Variants in FGF13 observed in about 807,000 individuals in gnomAD.
FGF13 encodes fibroblast growth factor homologous factor 2.
Under a neutral mutation model 19.5 loss-of-function variants are expected in FGF13, and 2 were observed. That is an observed-to-expected ratio of 0.10 (90% CI 0.04 to 0.32). FGF13 has a LOEUF of 0.32. FGF13 is among the 10% of genes least tolerant of loss of function. The pLI is 1.00. For synonymous variants in FGF13, 72 were observed against 76.9 expected (o/e 0.94, Z 0.33); for missense variants, 113 against 192.7 (o/e 0.59, Z 2.45).
chrX:139,165,224 A>G (rs900819008), intron 1 of FGF13, among the ~76,000 whole-genome samples: 7 of 112,468 alleles, frequency 6.2e-5, no homozygotes, highest in Non-Finnish European at 9.4e-5. Flanking sequence ...GAAAATGATG[A>G]ACTAGGATAT....
intron 1 of FGF13, among the ~76,000 whole-genome samples, chrX:139,106,430 A>G (rs919941226): frequency 1.8e-5 from 2 of 112,383 alleles, no homozygotes; most frequent in African/African-American, 6.5e-5. Flanking sequence ...TTTCTGAAGA[A>G]AAGTTGGGCT....
intron 1 of FGF13, among the ~76,000 whole-genome samples, chrX:139,049,936 T>C (rs1048856566): frequency 8.9e-6 from 1 of 112,413 alleles, no homozygotes; most frequent in Non-Finnish European, 1.9e-5. Context: ...ATCTTCTTCC[T>C]AGATGTCAAT....
chrX:138,904,451 G>A (rs1414665100), intron 1 of FGF13, among the ~76,000 whole-genome samples: 1 of 111,625 alleles, frequency 9.0e-6, no homozygotes, highest in Non-Finnish European at 1.9e-5. Flanking sequence ...GCACCTACCA[G>A]GGTCCAAGCC....
intron 1 of FGF13, among the ~76,000 whole-genome samples, chrX:139,154,417 C>T (rs987575602): frequency 9.0e-6 from 1 of 111,561 alleles, no homozygotes; most frequent in Admixed American, 9.6e-5. Context: ...GGGAGGTATC[C>T]AGGACAACAT....
At chrX:138,851,381 C>T (rs1278948811) in intron 3 of FGF13, among the ~76,000 whole-genome samples, 1 of 111,754 alleles carries the variant, frequency 8.9e-6, no homozygotes, top group Admixed American at 9.5e-5. Context: ...TCCTATTTCT[C>T]CACAGCCTTA....
intron 1 of FGF13, among the ~76,000 whole-genome samples, chrX:138,962,861 G>A (rs1190482959): frequency 8.9e-6 from 1 of 111,740 alleles, no homozygotes; most frequent in Admixed American, 9.5e-5. Context: ...TTGTGGGACG[G>A]GGAGGGATAG....
intron 1 of FGF13, among the ~76,000 whole-genome samples, chrX:138,877,229 T>C (rs2091395230): frequency 9.6e-6 from 1 of 104,597 alleles, no homozygotes; most frequent in Non-Finnish European, 2.0e-5. Context: ...ATGTATTCTG[T>C]TTTTTTTTTA....
At chrX:138,877,810 A>C (rs1460427910) in intron 1 of FGF13, among the ~76,000 whole-genome samples, 1 of 112,188 alleles carries the variant, frequency 8.9e-6, no homozygotes, top group Non-Finnish European at 1.9e-5. Flanking sequence ...GCACATTTTT[A>C]TTTATCTTTT....
intron 1 of FGF13, among the ~76,000 whole-genome samples, chrX:138,900,440 C>T (rs780720097): frequency 4.5e-5 from 5 of 110,806 alleles, no homozygotes; most frequent in Non-Finnish European, 9.4e-5. Context: ...ATCTCTCCTT[C>T]CCACACACCC....
At chrX:138,640,516 CTT>C (rs2089238987) in intron 3 of FGF13, among the ~76,000 whole-genome samples, 3 of 111,816 alleles carry the variant, frequency 2.7e-5, no homozygotes, top group African/African-American at 9.8e-5. Flanking sequence ...TGTAGTATCT[CTT>C]TGGCCTCCCG....
intron 3 of FGF13, among the ~76,000 whole-genome samples, chrX:138,808,864 G>T (rs879169760): frequency 9.0e-6 from 1 of 111,664 alleles, no homozygotes; most frequent in Non-Finnish European, 1.9e-5. Flanking sequence ...ATAAATTCCT[G>T]GACACATACA....
intron 1 of FGF13, among the ~76,000 whole-genome samples, chrX:139,123,374 C>A: frequency 9.0e-6 from 1 of 111,722 alleles, no homozygotes; most frequent in South Asian, 3.7e-4. Context: ...TTGTCTCCTG[C>A]CACCTTCCCC....
At chrX:139,146,926 A>T (rs1465008868) in intron 1 of FGF13, among the ~76,000 whole-genome samples, 1 of 102,246 alleles carries the variant, frequency 9.8e-6, no homozygotes, top group Non-Finnish European at 2.0e-5. Flanking sequence ...CAATAAGAAC[A>T]CTTGGACACA....
At chrX:138,789,242 C>T (rs1035126976) in intron 3 of FGF13, among the ~76,000 whole-genome samples, 1 of 110,583 alleles carries the variant, frequency 9.0e-6, no homozygotes, top group Admixed American at 9.6e-5. Context: ...GATCTCAGCT[C>T]ACTGCAACCT....
intron 1 of FGF13, among the ~76,000 whole-genome samples, chrX:138,990,943 G>C (rs759506290): frequency 8.9e-6 from 1 of 112,120 alleles, no homozygotes; most frequent in Non-Finnish European, 1.9e-5. Flanking sequence ...TCCAGGTTTA[G>C]TTAGCAGATC....
intron 3 of FGF13, among the ~76,000 whole-genome samples, chrX:138,829,135 GC>G (rs2091054091): frequency 2.7e-5 from 3 of 111,573 alleles, no homozygotes; most frequent in Non-Finnish European, 3.8e-5. Flanking sequence ...GATGAGTTTG[GC>G]CCAATTTCCT....
chrX:139,130,897 G>A (rs184460080), intron 1 of FGF13, among the ~76,000 whole-genome samples: 27 of 110,827 alleles, frequency 2.4e-4, no homozygotes, highest in African/African-American at 5.9e-4. Context: ...TTTTAATTAC[G>A]TTTTCGTATT....
At chrX:139,141,359 C>T (rs1296231785) in intron 1 of FGF13, among the ~76,000 whole-genome samples, 1 of 112,083 alleles carries the variant, frequency 8.9e-6, no homozygotes, top group Non-Finnish European at 1.9e-5. Flanking sequence ...CAATAATTAC[C>T]TGTGAAATGA....
chrX:138,645,794 G>GTGA (rs1481511929), intron 3 of FGF13, among the ~76,000 whole-genome samples: 2 of 112,208 alleles, frequency 1.8e-5, no homozygotes, highest in Non-Finnish European at 3.8e-5. Flanking sequence ...GCTTACAGTA[G>GTGA]TGATTCCTTT....
Sources: allele counts gnomAD v4.1 joint callset (sites outside exome capture counted in the v4.1 genomes callset), GRCh38; gene constraint gnomAD v4.1.1; transcripts MANE v1.5; gene names NCBI Gene and HGNC (gene_info 2026-07-23, HGNC 2026-07-21).